Variants in SPAG16 observed in about 807,000 individuals in gnomAD.
SPAG16 encodes sperm-associated antigen 16 protein.
SPAG16 carries 86 observed loss-of-function variants against 80.4 expected under a neutral mutation model. The ratio of observed to expected loss-of-function variants is 1.07; its 90% confidence interval spans 0.90 to 1.28. The LOEUF is 1.28. Among genes scored for constraint, SPAG16 ranks in the 50% most tolerant of loss-of-function variants. SPAG16 has a pLI of 0.00. For synonymous variants in SPAG16, 294 were observed against 265.9 expected (o/e 1.11, Z -1.03); for missense variants, 870 against 765.3 (o/e 1.14, Z -1.61).
intron 10 of SPAG16, among the ~76,000 whole-genome samples, chr2:213,755,060 TAAC>T (rs1191520298): frequency 6.6e-6 from 1 of 152,238 alleles, no homozygotes; most frequent in Non-Finnish European, 1.5e-5. Context: ...GATCAAATGA[TAAC>T]AACAAACTCT....
chr2:213,444,071 C>T (rs970170670), intron 9 of SPAG16, among the ~76,000 whole-genome samples: 4 of 152,170 alleles, frequency 2.6e-5, no homozygotes, highest in Non-Finnish European at 2.9e-5. Context: ...TGGAAGTACA[C>T]GTGCATCCAT....
intron 11 of SPAG16, among the ~76,000 whole-genome samples, chr2:213,892,160 C>G (rs2076807826): frequency 1.3e-5 from 2 of 151,942 alleles, no homozygotes; most frequent in African/African-American, 2.4e-5. Flanking sequence ...ACACAAAACC[C>G]TAGACAGCCT....
chr2:213,983,891 T>C (rs1030409599), intron 12 of SPAG16, among the ~76,000 whole-genome samples: 3 of 152,014 alleles, frequency 2.0e-5, no homozygotes, highest in Admixed American at 6.6e-5. Flanking sequence ...AGTAATATCA[T>C]AGTAGTGACA....
At chr2:214,039,887 T>A (rs1364310684) in intron 13 of SPAG16, among the ~76,000 whole-genome samples, 2 of 152,118 alleles carry the variant, frequency 1.3e-5, no homozygotes, top group Admixed American at 1.3e-4. Context: ...AAAGATAGTT[T>A]GGGTGAGCGG....
At chr2:213,809,644 G>A (rs191711995) in intron 10 of SPAG16, among the ~76,000 whole-genome samples, 209 of 152,300 alleles carry the variant, frequency 1.4e-3, no homozygotes, top group Non-Finnish European at 2.4e-3. Flanking sequence ...GAGAGGTTGT[G>A]TGGGAATATT....
chr2:214,319,350 G>A (rs1280108030), intron 15 of SPAG16, among the ~76,000 whole-genome samples: 1 of 152,106 alleles, frequency 6.6e-6, no homozygotes, highest in Admixed American at 6.6e-5. Context: ...TATGTACAGA[G>A]TAGGGAAAGA....
chr2:214,382,589 A>AGAT (rs1282632906), intron 15 of SPAG16, among the ~76,000 whole-genome samples: 1 of 152,206 alleles, frequency 6.6e-6, no homozygotes. Flanking sequence ...AGATTCTTAG[A>AGAT]GATGGCACCA....
chr2:213,296,942 G>A (rs1270246178), intron 2 of SPAG16: 1 of 604,984 alleles, frequency 1.7e-6, no homozygotes, highest in Non-Finnish European at 2.3e-6. Context: ...GAAAGCACTT[G>A]AGATGGGGCA....
chr2:213,365,503 G>C (rs907698391), intron 8 of SPAG16: 2 of 151,686 alleles, frequency 1.3e-5, no homozygotes, highest in African/African-American at 4.8e-5. Context: ...TGTCACCCAG[G>C]CTGGAGTGCA....
intron 10 of SPAG16, among the ~76,000 whole-genome samples, chr2:213,701,775 A>T (rs2065435018): frequency 6.6e-6 from 1 of 151,968 alleles, no homozygotes; most frequent in Non-Finnish European, 1.5e-5. Flanking sequence ...TAGCTCAGGG[A>T]TTGTAAACGC....
At chr2:213,727,992 G>A (rs1375828734) in intron 10 of SPAG16, among the ~76,000 whole-genome samples, 2 of 151,950 alleles carry the variant, frequency 1.3e-5, no homozygotes, top group African/African-American at 2.4e-5. Flanking sequence ...GGGATTACAG[G>A]CACCCGCCAC....
Position 213,781,210 on chromosome 2 carries a change from A to C in SPAG16, c.1071-81275A>C, listed in dbSNP as rs914520089. 3.3e-5 allele frequency among the ~76,000 whole-genome samples: 5 copies of C among 152,120 alleles called. No individual in the cohort carries two copies. The East Asian group carries it at 9.6e-4, about 29-fold the overall frequency. ...TTCCTACCTCCCCTTTTTTAGGCGG[A>C]TGCCTCTGCCTTCTGAGAAGCTATC... On this transcript the variant is annotated intron_variant, in intron 10 of 15. Transcript: ENST00000331683.
intron 10 of SPAG16, among the ~76,000 whole-genome samples, chr2:213,560,508 A>G (rs1029402453): frequency 1.3e-5 from 2 of 152,180 alleles, no homozygotes; most frequent in Non-Finnish European, 2.9e-5. Context: ...ACATGGAAAT[A>G]AAAGTTCAAA....
chr2:214,188,261 T>G (rs1261965491), intron 15 of SPAG16, among the ~76,000 whole-genome samples: 1 of 152,146 alleles, frequency 6.6e-6, no homozygotes, highest in East Asian at 1.9e-4. Flanking sequence ...TATTTGAAAG[T>G]GTAATGAGGA....
chr2:213,794,086 A>G (rs1183453743), intron 10 of SPAG16, among the ~76,000 whole-genome samples: 1 of 152,174 alleles, frequency 6.6e-6, no homozygotes, highest in Non-Finnish European at 1.5e-5. Flanking sequence ...TCACTGCATC[A>G]GTGAAATGTG....
intron 9 of SPAG16, among the ~76,000 whole-genome samples, chr2:213,381,890 G>A (rs2067194223): frequency 6.6e-6 from 1 of 152,148 alleles, no homozygotes; most frequent in Non-Finnish European, 1.5e-5. Context: ...GGCAACATAG[G>A]TGATCAGATA....
At chr2:214,245,530 C>T (rs1689780478) in intron 15 of SPAG16, among the ~76,000 whole-genome samples, 3 of 152,196 alleles carry the variant, frequency 2.0e-5, no homozygotes, top group Non-Finnish European at 2.9e-5. Context: ...TGGCTGAATG[C>T]TTTAGAGAAA....
chr2:214,139,570 C>A (rs1036260350), intron 14 of SPAG16, among the ~76,000 whole-genome samples: 3 of 151,954 alleles, frequency 2.0e-5, no homozygotes, highest in Non-Finnish European at 4.4e-5. Context: ...TTTTAAATTT[C>A]GCTTTAAAAA....
intron 10 of SPAG16, among the ~76,000 whole-genome samples, chr2:213,653,882 A>G (rs1559346913): frequency 1.3e-5 from 2 of 152,140 alleles, no homozygotes; most frequent in South Asian, 4.1e-4. Context: ...TTTCTTTTCC[A>G]TACAACAGCT....
Sources: gnomAD v4.1 joint callset for allele counts (sites outside exome capture counted in the v4.1 genomes callset) on GRCh38, gnomAD v4.1.1 for gene constraint, MANE v1.5 for transcripts, NCBI Gene and HGNC (gene_info 2026-07-23, HGNC 2026-07-21) for gene names.